The following MOB3A variants were observed in gnomAD, a reference collection of about 807,000 sequenced individuals.
MOB3A encodes MOB LAK.
A neutral mutation model predicts 17.8 loss-of-function variants in MOB3A; 17 were observed. The observed-to-expected ratio is 0.95, with a 90% CI of 0.65 to 1.43. The LOEUF (loss-of-function observed/expected upper bound fraction) is 1.43, where lower values mean the gene tolerates loss of function less well. Ranked by LOEUF, MOB3A falls within the 40% of genes most tolerant of loss-of-function variation. The pLI is 0.00. For synonymous variants in MOB3A, 124 were observed against 133.2 expected, an observed-to-expected ratio of 0.93 and a Z score of 0.48; for missense variants, 333 against 310.8, an observed-to-expected ratio of 1.07 and a Z score of -0.54.
rs775684733 is a variant in MOB3A, at chr19:2,073,387, C to T, written c.*8G>A. 8 of 1,613,260 alleles carry T rather than the reference C, an allele frequency of 5.0e-6. No homozygotes were observed. The highest frequency in any genetic ancestry group is 1.6e-4 in the Middle Eastern group (1 of 6,078). ...GGCGGTTCGGGCACCGGGAGACCCGCGGGGCTCTCAGTGGCACATCCGGGC... is the reference window on the plus strand; with the variant it reads ...GGCGGTTCGGGCACCGGGAGACCCGTGGGGCTCTCAGTGGCACATCCGGGC... On this transcript the variant is annotated 3_prime_UTR_variant, in exon 5 of 5. Coordinates refer to ENST00000357066, the MANE Select transcript of MOB3A (RefSeq NM_130807.3).
rs147041458 is a variant in MOB3A at position 2,073,089 on chromosome 19, G to A, written c.*306C>T. The A allele has an allele frequency of 1.5e-5, 7 of 476,010 alleles. No individual in the cohort carries two copies. The highest frequency in any genetic ancestry group is 7.9e-5 in the African/African-American group (4 of 50,786). The allele number at this position is 476,010 out of a possible 1,614,324, so 29.5% of individuals were successfully genotyped here. A position where few individuals can be genotyped will look rare whatever the true frequency, so the allele number is the denominator to read the frequency against. ...CCCAGGGCAAGGAGTGACCCTGGAAGCCATCCAGCCTCCTGGAAAGTGGAA... is the reference window on the plus strand; with the variant it reads ...CCCAGGGCAAGGAGTGACCCTGGAAACCATCCAGCCTCCTGGAAAGTGGAA... On this transcript the variant is annotated 3_prime_UTR_variant, in exon 5 of 5. Transcript: ENST00000357066.
chr19:2,093,599 G>A lies in MOB3A; in HGVS notation c.-274+2627C>T, dbSNP rs551656235. Among the ~76,000 whole-genome samples the A allele has an allele frequency of 5.3e-5, 8 of 152,124 alleles. No individual in the cohort carries two copies. The Middle Eastern group carries it at 0.014, about 259-fold the overall frequency. On this transcript the variant is annotated intron_variant, in intron 1 of 4. Coordinates refer to ENST00000357066, the MANE Select transcript of MOB3A (RefSeq NM_130807.3). The surrounding 1 kb of genome is among the most constrained non-coding windows in gnomAD (Gnocchi z 4.6). Reference sequence around the variant, plus strand: ...TGACCTCAGGTGATCTGCTCTCCTCGGCCTCCCAAAGTGCTGGGATTACAG... The same window carrying A: ...TGACCTCAGGTGATCTGCTCTCCTCAGCCTCCCAAAGTGCTGGGATTACAG...
Position 2,077,929 on chromosome 19 carries a change from G to A in MOB3A, c.421+211C>T, listed in dbSNP as rs140924379. 3.0e-3 allele frequency among the ~76,000 whole-genome samples: 453 copies of A among 152,068 alleles called. 3 individuals are homozygous for A. The highest frequency in any genetic ancestry group is 0.011 in the African/African-American group (444 of 41,468). ...CTCCCGAGTAGCTGCGACCAAAGGC[G>A]TGTGCCACCATGCCTGGCTAATTTT... On this transcript the variant is annotated intron_variant, in intron 3 of 4. Coordinates refer to ENST00000357066, the MANE Select transcript of MOB3A (RefSeq NM_130807.3).
intron 2 of MOB3A, among the ~76,000 whole-genome samples, chr19:2,080,910 G>A (rs1252496601): frequency 1.3e-5 from 2 of 152,142 alleles, no homozygotes; most frequent in Non-Finnish European, 2.9e-5. Context: ...AGAGGGTGAG[G>A]TAGGTAGATG....
At chr19:2,080,567 G>A (rs1402458325) in intron 2 of MOB3A, among the ~76,000 whole-genome samples, 4 of 151,962 alleles carry the variant, frequency 2.6e-5, no homozygotes, top group African/African-American at 7.3e-5. Flanking sequence ...TAGTAGAGAC[G>A]GGTTTTACCA....
Position 2,077,025 on chromosome 19 carries a change from G to T in MOB3A, c.422-12C>A, listed in dbSNP as rs1353865661. On this transcript the variant is annotated splice_polypyrimidine_tract_variant and intron_variant, in intron 3 of 4. Transcript: ENST00000357066. ...GGGAAACGGAGTGCCTGCAGGGAGAGGGGTGGGACGGGTCCACGGACTCAG... is the reference window on the plus strand; with the variant it reads ...GGGAAACGGAGTGCCTGCAGGGAGATGGGTGGGACGGGTCCACGGACTCAG... The T allele has an allele frequency of 1.9e-6, 3 of 1,608,988 alleles. No individual in the cohort carries two copies. Among genetic ancestry groups the T allele is most frequent in the Non-Finnish European group, 2.5e-6 (3 of 1,177,968 alleles).
At position 2,078,606 on chromosome 19, in the gene MOB3A, C is replaced by A; in HGVS notation, c.-46G>T. 6.6e-7 allele frequency: 1 copy of A among 1,517,750 alleles called. No homozygotes were observed. The highest frequency in any genetic ancestry group is 2.1e-5 in the Admixed American group (1 of 46,894). 94.0% of individuals were successfully genotyped at this position (1,517,750 alleles called of 1,614,324 possible). A position where few individuals can be genotyped will look rare whatever the true frequency, so the allele number is the denominator to read the frequency against. On this transcript the variant is annotated 5_prime_UTR_variant, in exon 3 of 5. Transcript: ENST00000357066. ...TGGACTTCTGTAGAGGGGTCCTGGG[C>A]CAGCTGGCTGGGGGTGCTGACCAAC...
intron 4 of MOB3A, among the ~76,000 whole-genome samples, chr19:2,074,246 T>TCAAA (rs142534004): frequency 5.3e-5 from 8 of 151,548 alleles, no homozygotes; most frequent in African/African-American, 7.3e-5. Context: ...GTGGCTGAGA[T>TCAAA]CAAACAAACA....
At chr19:2,079,481 C>T (rs370247694) in intron 2 of MOB3A, among the ~76,000 whole-genome samples, 80 of 152,306 alleles carry the variant, frequency 5.3e-4, no homozygotes, top group Middle Eastern at 3.4e-3. Flanking sequence ...ACGGGGGAGA[C>T]GGCTGTGCGA....
chr19:2,090,981 A>T (rs1347314013), intron 1 of MOB3A, among the ~76,000 whole-genome samples: 5 of 152,232 alleles, frequency 3.3e-5, no homozygotes, highest in African/African-American at 1.2e-4. Context: ...GCATTATTTT[A>T]ACACACTTTT....
Position 2,078,172 on chromosome 19 carries a change from A to T in MOB3A, c.389T>A (p.Ile130Asn), listed in dbSNP as rs1474324305. 1.3e-6 allele frequency: 2 copies of T among 1,591,784 alleles called. No homozygotes were observed. The highest frequency in any genetic ancestry group is 1.1e-5 in the South Asian group (1 of 89,550). The change falls in exon 3 of 5, where the codon ATC becomes AAC. Residue 130 changes from isoleucine to asparagine, a missense_variant. Coordinates refer to ENST00000357066, the MANE Select transcript of MOB3A (RefSeq NM_130807.3). ...DLLMDWIEAQ[I>N]NNEDLFPTNV... is the part of the protein sequence containing the mutation. ...GGTGGGGAAGAGGTCCTCGTTGTTGATCTGCGCCTCGATCCAGTCCATCAG... is the reference window on the plus strand; with the variant it reads ...GGTGGGGAAGAGGTCCTCGTTGTTGTTCTGCGCCTCGATCCAGTCCATCAG...
chr19:2,094,413 T>C (rs139715966), intron 1 of MOB3A, among the ~76,000 whole-genome samples: 2 of 152,194 alleles, frequency 1.3e-5, no homozygotes, highest in East Asian at 3.9e-4. Flanking sequence ...CAGCTTCCCC[T>C]ACATGAAAGC....
chr19:2,090,682 A>G (rs1599412502), intron 1 of MOB3A, among the ~76,000 whole-genome samples: 1 of 151,402 alleles, frequency 6.6e-6, no homozygotes, highest in Non-Finnish European at 1.5e-5. Flanking sequence ...TTTTTTTTTT[A>G]AGACGGAGTC....
At chr19:2,077,244 A>T (rs1387153899) in intron 3 of MOB3A, among the ~76,000 whole-genome samples, 1 of 152,086 alleles carries the variant, frequency 6.6e-6, no homozygotes, top group Non-Finnish European at 1.5e-5. Context: ...TTACTAAAAA[A>T]TACAAATATT....
At chr19:2,083,932 C>T (rs995063499) in intron 2 of MOB3A, among the ~76,000 whole-genome samples, 6 of 152,038 alleles carry the variant, frequency 3.9e-5, no homozygotes, top group Non-Finnish European at 8.8e-5. Flanking sequence ...CAGGCCCCCG[C>T]TTGTCTTTTT....
chr19:2,073,132 T>A lies in MOB3A; in HGVS notation c.*263A>T, dbSNP rs768461107. The A allele has an allele frequency of 8.7e-5, 48 of 553,500 alleles. No homozygotes were observed. Among genetic ancestry groups the A allele is most frequent in the Non-Finnish European group, 1.4e-4 (43 of 311,750 alleles). The allele number at this position is 553,500 out of a possible 1,614,324, so 34.3% of individuals were successfully genotyped here. On this transcript the variant is annotated 3_prime_UTR_variant, in exon 5 of 5. Coordinates refer to ENST00000357066, the MANE Select transcript of MOB3A (RefSeq NM_130807.3). ...AAGTGGAAGTGGTTTAAAAACACAGTGGGCTTTTCCGGTTGCTAGTAACAC... is the reference window on the plus strand; with the variant it reads ...AAGTGGAAGTGGTTTAAAAACACAGAGGGCTTTTCCGGTTGCTAGTAACAC...
chr19:2,078,707 G>A, intron 2 of MOB3A, 28 bp from the exon 3 acceptor site: 1 of 741,000 alleles, frequency 1.3e-6, no homozygotes, highest in Non-Finnish European at 2.1e-6. Context: ...ATCATGACCT[G>A]CTGGAGGCGA....
At chr19:2,095,643 G>T (rs953483096) in intron 1 of MOB3A, among the ~76,000 whole-genome samples, 1 of 152,078 alleles carries the variant, frequency 6.6e-6, no homozygotes, top group African/African-American at 2.4e-5. Context: ...CCCGCCGCCC[G>T]CGTTCGCCCC....
intron 2 of MOB3A, among the ~76,000 whole-genome samples, chr19:2,083,265 G>T (rs772418090): frequency 1.8e-4 from 28 of 152,214 alleles, no homozygotes; most frequent in Non-Finnish European, 3.5e-4. Flanking sequence ...GGGCCGGGGA[G>T]CCCGGGACGC....
Sources: gnomAD v4.1 joint callset for allele counts (sites outside exome capture counted in the v4.1 genomes callset) on GRCh38, gnomAD v4.1.1 for gene constraint, Gnocchi (gnomAD v3.1) non-coding constraint, MANE v1.5 for transcripts, NCBI Gene and HGNC (gene_info 2026-07-23, HGNC 2026-07-21) for gene names.